The following C15orf39 variants were observed in gnomAD, a reference collection of about 807,000 sequenced individuals.
The protein encoded by C15orf39 is PRMT2 interacting protein.
C15orf39 carries 24 observed loss-of-function variants against 53.9 expected under a neutral mutation model. The ratio of observed to expected loss-of-function variants is 0.45; its 90% CI spans 0.32 to 0.63. The LOEUF (loss-of-function observed/expected upper bound fraction) is 0.63, where lower values mean the gene tolerates loss of function less well. Among genes scored for constraint, C15orf39 ranks in the 20% least tolerant of loss-of-function variants. C15orf39 has a pLI of 0.04. For synonymous variants in C15orf39, 569 were observed against 576.5 expected, an observed-to-expected ratio of 0.99 and a Z score of 0.19; for missense variants, 1,271 against 1,347.9, an observed-to-expected ratio of 0.94 and a Z score of 0.89.
At chr15:75,205,679 G>A (rs962409138) in intron 1 of C15orf39, among the ~76,000 whole-genome samples, 21 of 152,034 alleles carry the variant, frequency 1.4e-4, no homozygotes, top group African/African-American at 3.6e-4. Context: ...AAAATGAGCC[G>A]GGTGTGGTAG....
rs774101723 is a variant in C15orf39, at chr15:75,206,275, G to A, written c.227G>A (p.Gly76Asp). Reference protein sequence around the residue: ...WTPYPPLYSTGMAGPPLQADN... With the variant: ...WTPYPPLYSTDMAGPPLQADN... ...CCATACCCACCCTTGTACTCTACCGGTATGGCAGGACCCCCACTTCAGGCA... is the reference window on the plus strand; with the variant it reads ...CCATACCCACCCTTGTACTCTACCGATATGGCAGGACCCCCACTTCAGGCA... The change falls in exon 2 of 3, where the codon GGT (glycine) becomes GAT (aspartate). Residue 76 changes from glycine (G) to aspartate (D), a missense_variant. Coordinates refer to ENST00000394987, the MANE Select transcript of C15orf39 (RefSeq NM_015492.5). 2.5e-6 allele frequency: 4 copies of A among 1,614,052 alleles called. No individual in the cohort carries two copies. The highest frequency in any genetic ancestry group is 3.4e-6 in the Non-Finnish European group (4 of 1,179,974).
At chr15:75,199,785 G>A (rs150919102), upstream of C15orf39, among the ~76,000 whole-genome samples, 23 of 152,240 alleles carry the variant, frequency 1.5e-4, no homozygotes, top group East Asian at 4.2e-3. Flanking sequence ...CTTTTTCTGT[G>A]TTAACTCTAC....
chr15:75,207,790 C>T lies in C15orf39; in HGVS notation c.1742C>T (p.Pro581Leu), dbSNP rs1436106441. 1 of 1,611,998 alleles carries T rather than the reference C, an allele frequency of 6.2e-7. No individual in the cohort carries two copies. Among genetic ancestry groups the T allele is most frequent in the Non-Finnish European group, 8.5e-7 (1 of 1,179,358 alleles). The change falls in exon 2 of 3, where the codon CCC (proline) becomes CTC (leucine). Residue 581 changes from proline to leucine, a missense_variant. Physicochemically the swap from Pro to Leu is moderately conservative, Grantham distance 98 (BLOSUM62 -3). This residue lies in a region of C15orf39 where 994 missense variants were observed against 993.7 expected (regional missense o/e 1.00). Transcript: ENST00000394987. ...EVALDLSVRK[P>L]TAEASPVKAS... ...GCCCTGGATTTGAGTGTGAGGAAGCCCACAGCAGAGGCCTCCCCTGTCAAG... is the reference window on the plus strand; with the variant it reads ...GCCCTGGATTTGAGTGTGAGGAAGCTCACAGCAGAGGCCTCCCCTGTCAAG...
At chr15:75,205,856 T>C (rs1050108890) in intron 1 of C15orf39, 143 bp from the exon 2 acceptor site, 3 of 600,042 alleles carry the variant, frequency 5.0e-6, no homozygotes, top group Admixed American at 3.1e-5. Flanking sequence ...GTCACGTGGC[T>C]CATGCACTCA....
At position 75,206,019 on chromosome 15, in the gene C15orf39, G is replaced by A. The variant is rs758404364; in HGVS notation, c.-30G>A. The stretch of plus-strand genomic sequence containing the variant: ...CCCAGGTCAGAAGTTGAGTAGCAGG[G>A]GCCTAGGAGGGCTCGAAGCCTTCAC... On this transcript the variant is annotated 5_prime_UTR_variant, in exon 2 of 3. Coordinates refer to ENST00000394987, the MANE Select transcript of C15orf39 (RefSeq NM_015492.5). The A allele has an allele frequency of 6.5e-7, 1 of 1,533,408 alleles. No homozygotes were observed. The highest frequency in any genetic ancestry group is 8.8e-7 in the Non-Finnish European group (1 of 1,140,242). The allele number at this position is 1,533,408 out of a possible 1,614,324, so 95.0% of individuals were successfully genotyped here.
In C15orf39 at chr15:75,208,731, C is replaced by T. The variant is rs79122600; in HGVS notation, c.2683C>T (p.Arg895Cys). 7 of 1,607,348 alleles carry T rather than the reference C, an allele frequency of 4.4e-6. No homozygotes were observed. Among genetic ancestry groups the T allele is most frequent in the East Asian group, 2.2e-5 (1 of 44,878 alleles). Residue 895 changes from arginine (R) to cysteine (C), a missense_variant, in exon 2 of 3, where the codon CGC (arginine) becomes TGC (cysteine). Arg to Cys is a radical substitution (Grantham distance 180). This residue lies in a region of C15orf39 where 277 missense variants were observed against 354.1 expected (regional missense o/e 0.78). Coordinates refer to ENST00000394987, the MANE Select transcript of C15orf39 (RefSeq NM_015492.5). ...RELALPGCTS[R>C]MLKLLALRQL... ...GCTCGCCCTGCCAGGCTGCACCTCA[C>T]GCATGCTGAAGTTACTGGCGCTGCG...
In C15orf39 at chr15:75,208,212, G is replaced by T; in HGVS notation, c.2164G>T (p.Ala722Ser). The change falls in exon 2 of 3, where the codon GCT becomes TCT. Residue 722 changes from alanine to serine, a missense_variant. This residue lies in a region of C15orf39 where 994 missense variants were observed against 993.7 expected (regional missense o/e 1.00). Coordinates refer to ENST00000394987, the MANE Select transcript of C15orf39 (RefSeq NM_015492.5). Reference protein sequence around the residue: ...PAVAVASPAPAPAPSPAPARA... With the variant: ...PAVAVASPAPSPAPSPAPARA... ...CGTAGCTGTGGCCTCCCCTGCCCCT[G>T]CTCCAGCTCCATCCCCTGCTCCGGC... The T allele has an allele frequency of 6.2e-7, 1 of 1,613,528 alleles. No homozygotes were observed. The highest frequency in any genetic ancestry group is 2.2e-5 in the East Asian group (1 of 44,886).
chr15:75,206,416 C>G lies in C15orf39; in HGVS notation c.368C>G (p.Pro123Arg). The G allele has an allele frequency of 3.1e-6, 5 of 1,614,032 alleles. No homozygotes were observed. Among genetic ancestry groups the G allele is most frequent in the Non-Finnish European group, 4.2e-6 (5 of 1,179,954 alleles). ...TTCAGTCCCCAGGCTCACTCCTACC[C>G]AGGCCCACCACTGGCAGCACCCAAA... ...LPFSPQAHSY[P>R]GPPLAAPKPV... The change falls in exon 2 of 3, where the codon CCA (proline) becomes CGA (arginine). Residue 123 changes from proline to arginine, a missense_variant. Around this residue, in one of 2 missense-constraint regions of C15orf39, gnomAD observed 994 missense variants for 993.7 expected, o/e 1.00. Coordinates refer to ENST00000394987, the MANE Select transcript of C15orf39 (RefSeq NM_015492.5).
rs1246217234 is a variant in C15orf39 at position 75,211,212 on chromosome 15, T to TGGCTGC, written c.*97_*102dup. The TGGCTGC allele has an allele frequency of 6.8e-7, 1 of 1,477,982 alleles. No homozygotes were observed. The highest frequency in any genetic ancestry group is 1.4e-5 in the African/African-American group (1 of 71,326). The allele number at this position is 1,477,982 out of a possible 1,614,324, so 91.6% of individuals were successfully genotyped here. On this transcript the variant is annotated 3_prime_UTR_variant, in exon 3 of 3. Transcript: ENST00000394987. ...GGGCCACGAGTGGATGCTGGGGCTG[T>TGGCTGC]GGCTGCTCCCCTGGAGGGGTTCCAT... is the stretch of plus-strand genomic sequence containing the variant.
chr15:75,209,154 G>A (rs1595956581), intron 2 of C15orf39: 1 of 313,864 alleles, frequency 3.2e-6, no homozygotes. Context: ...CCGGCACTCT[G>A]GTTAGGCCCT....
intron 2 of C15orf39, 88 bp from the exon 3 acceptor site, chr15:75,210,661 C>T: frequency 6.7e-7 from 1 of 1,502,866 alleles, no homozygotes; most frequent in Non-Finnish European, 8.9e-7. Context: ...TGGGGCAGAG[C>T]AGAAGCACTG....
upstream of C15orf39, among the ~76,000 whole-genome samples, chr15:75,200,224 G>A (rs534672189): frequency 4.6e-5 from 7 of 152,320 alleles, no homozygotes; most frequent in African/African-American, 1.2e-4. Flanking sequence ...AAGTGATGCC[G>A]AAAAGGAACA....
rs771453389 is a variant in C15orf39 at position 75,211,152 on chromosome 15, C to G, written c.*36C>G. On this transcript the variant is annotated 3_prime_UTR_variant, in exon 3 of 3. Transcript: ENST00000394987. ...CAGTGCTGTGTGTATAGCAGTCACT[C>G]TCCACCCTTCCCTTCTGCCTGCCCA... 2 of 1,541,670 alleles carry G rather than the reference C, an allele frequency of 1.3e-6. No individual in the cohort carries two copies. The highest frequency in any genetic ancestry group is 2.7e-5 in the African/African-American group (2 of 73,730).
chr15:75,206,863 C>A lies in C15orf39; in HGVS notation c.815C>A (p.Pro272His), dbSNP rs1239631105. Residue 272 changes from proline to histidine, a missense_variant, in exon 2 of 3, where the codon CCC becomes CAC. By Grantham distance (77) the Pro-to-His change is moderately conservative. Coordinates refer to ENST00000394987, the MANE Select transcript of C15orf39 (RefSeq NM_015492.5). ...ACCGGGCCCACCCACTACCCACCAC[C>A]CCACCACCCACCACCCCACCCTCCA... ...QDTGPTHYPP[P>H]HHPPPHPPQA... 6.8e-7 allele frequency: 1 copy of A among 1,481,296 alleles called. No homozygotes were observed. 91.8% of individuals were successfully genotyped at this position (1,481,296 alleles called of 1,614,324 possible).
At chr15:75,205,177 G>C (rs957914400) in intron 1 of C15orf39, among the ~76,000 whole-genome samples, 8 of 152,236 alleles carry the variant, frequency 5.3e-5, no homozygotes, top group Non-Finnish European at 7.3e-5. Context: ...AGAAATCTGT[G>C]AATTTGTAGA....
rs78111587 is a variant in C15orf39 at position 75,209,791 on chromosome 15, C to T, written c.2777-958C>T. On this transcript the variant is annotated intron_variant, in intron 2 of 2. Coordinates refer to ENST00000394987, the MANE Select transcript of C15orf39 (RefSeq NM_015492.5). ...TAGAAACTGTTCCTAGTTCCATCCC[C>T]GTAGTGGCAGCCTTGCCCCGGGCCC... is the stretch of plus-strand genomic sequence containing the variant. Among the ~76,000 whole-genome samples the T allele has an allele frequency of 3.7e-3, 570 of 152,334 alleles. 7 individuals are homozygous for T. The highest frequency in any genetic ancestry group is 5.3e-3 in the Non-Finnish European group (361 of 68,036).
chr15:75,211,073 C>T lies in C15orf39; in HGVS notation c.3101C>T (p.Ser1034Leu). The change falls in exon 3 of 3, where the codon TCA becomes TTA. Residue 1034 changes from serine (S) to leucine (L), a missense_variant. Physicochemically the swap from Ser to Leu is moderately radical, Grantham distance 145. Around this residue, in one of 2 missense-constraint regions of C15orf39, gnomAD observed 277 missense variants for 354.1 expected, o/e 0.78. Coordinates refer to ENST00000394987, the MANE Select transcript of C15orf39 (RefSeq NM_015492.5). ...AAGTCCTCAAGACCAGACCAGCCCT[C>T]ACCCTGCCCACAGCTGCTGGACAGC... ...GHKSSRPDQP[S>L]PCPQLLDSQS... The T allele has an allele frequency of 6.2e-7, 1 of 1,602,332 alleles. No homozygotes were observed. Among genetic ancestry groups the T allele is most frequent in the Non-Finnish European group, 8.5e-7 (1 of 1,179,864 alleles).
At chr15:75,200,081 C>T (rs917453016), upstream of C15orf39, among the ~76,000 whole-genome samples, 1 of 152,156 alleles carries the variant, frequency 6.6e-6, no homozygotes, top group African/African-American at 2.4e-5. Flanking sequence ...TGATGTTGGC[C>T]GACACCACAG....
rs1284083758 is a variant in C15orf39 at position 75,208,211 on chromosome 15, T to C, written c.2163T>C (p.Pro721=). Residue 721 remains proline, a synonymous_variant, in exon 2 of 3, where the codon CCT becomes CCC. Transcript: ENST00000394987. Reference sequence around the variant, plus strand: ...CCGTAGCTGTGGCCTCCCCTGCCCCTGCTCCAGCTCCATCCCCTGCTCCGG... The same window carrying C: ...CCGTAGCTGTGGCCTCCCCTGCCCCCGCTCCAGCTCCATCCCCTGCTCCGG... ...PPAVAVASPA[P]APAPSPAPAR... The C allele has an allele frequency of 9.3e-6, 15 of 1,613,502 alleles. No individual in the cohort carries two copies. The highest frequency in any genetic ancestry group is 1.3e-5 in the African/African-American group (1 of 74,924).
Sources: gnomAD v4.1 joint callset for allele counts (sites outside exome capture counted in the v4.1 genomes callset) on GRCh38, gnomAD v4.1.1 for gene constraint, gnomAD v4.1.1 regional missense constraint, MANE v1.5 for transcripts, NCBI Gene and HGNC (gene_info 2026-07-23, HGNC 2026-07-21) for gene names.